Variants in BRCA2 observed in about 807,000 individuals in gnomAD.
The protein encoded by BRCA2 is BRCA2 DNA repair associated.
A neutral mutation model predicts 276.7 loss-of-function variants in BRCA2; 203 were observed. The ratio of observed to expected loss-of-function variants is 0.73; its 90% confidence interval spans 0.65 to 0.82. BRCA2 has a LOEUF of 0.82. Ranked by LOEUF, BRCA2 falls within the 40% of genes least tolerant of loss-of-function variation. The probability of loss-of-function intolerance (pLI) is 0.00; values close to 1 mark genes in which losing one functional copy is unlikely to be tolerated. For missense variants in BRCA2, 3,920 were observed against 3,915.0 expected, an observed-to-expected ratio of 1.00 and a Z score of -0.03; for synonymous variants, 1,289 against 1,338.4, an observed-to-expected ratio of 0.96 and a Z score of 0.81.
In BRCA2 at chr13:32,344,564, C is replaced by A. The variant is rs80358910; in HGVS notation, c.6848C>A (p.Pro2283His). Residue 2283 changes from proline to histidine, a missense_variant, in exon 12 of 27, where the codon CCC becomes CAC. Coordinates refer to ENST00000380152, the MANE Select transcript of BRCA2 (RefSeq NM_000059.4). ...ATGAAATATTTCTTTTTAGGAGAAC[C>A]CTCAATCAAAAGAAACTTATTAAAT... ...RGEPLILVGE[P>H]SIKRNLLNEF... 3.9e-6 allele frequency: 6 copies of A among 1,522,914 alleles called. No homozygotes were observed. In the Admixed American group the frequency reaches 1.0e-4, roughly 26 times the overall value. The allele number at this position is 1,522,914 out of a possible 1,614,324, so 94.3% of individuals were successfully genotyped here.
At chr13:32,387,751 A>T (rs777846942) in intron 24 of BRCA2, among the ~76,000 whole-genome samples, 5 of 152,136 alleles carry the variant, frequency 3.3e-5, no homozygotes, top group Non-Finnish European at 7.4e-5. Context: ...GAAAGTCTTG[A>T]AGTCTTTGAT....
In BRCA2 at chr13:32,400,266, T is replaced by C. The variant is rs1275072254; in HGVS notation, c.*1496T>C. The C allele has an allele frequency of 9.9e-5, 15 of 152,254 alleles. No individual in the cohort carries two copies. The highest frequency in any genetic ancestry group is 9.8e-4 in the Admixed American group (15 of 15,282). 9.4% of individuals were successfully genotyped at this position (152,254 alleles called of 1,614,324 possible). A position where few individuals can be genotyped will look rare whatever the true frequency, so the allele number is the denominator to read the frequency against. On this transcript the variant is annotated 3_prime_UTR_variant, in exon 27 of 27. Coordinates refer to ENST00000380152, the MANE Select transcript of BRCA2 (RefSeq NM_000059.4). ...GCCAAGAATAAATCTTTTAAAAAAT[T>C]GACTTGTTTCCTTCCATAACTCTGA...
chr13:32,339,388 A>C lies in BRCA2; in HGVS notation c.5033A>C (p.Lys1678Thr), dbSNP rs28897733. 1 of 1,595,664 alleles carries C rather than the reference A, an allele frequency of 6.3e-7. No homozygotes were observed. Among genetic ancestry groups the C allele is most frequent in the Non-Finnish European group, 8.5e-7 (1 of 1,172,268 alleles). ...ALAFYTSCSR[K>T]TSVSQTSLLE... ...GCTTTTTACACAAGTTGTAGTAGAAAAACTTCTGTGAGTCAGACTTCATTA... is the reference window on the plus strand; with the variant it reads ...GCTTTTTACACAAGTTGTAGTAGAACAACTTCTGTGAGTCAGACTTCATTA... The change falls in exon 11 of 27, where the codon AAA becomes ACA. Residue 1678 changes from lysine to threonine, a missense_variant. Lys to Thr is a moderately conservative substitution (Grantham distance 78, BLOSUM62 -1). This residue lies in a region of BRCA2 where 3,263 missense variants were observed against 3,156.9 expected (regional missense o/e 1.03). Transcript: ENST00000380152.
intron 13 of BRCA2, among the ~76,000 whole-genome samples, chr13:32,349,298 T>A (rs527388481): frequency 6.9e-6 from 1 of 145,642 alleles, no homozygotes; most frequent in African/African-American, 2.5e-5. Flanking sequence ...TACCAAAACA[T>A]CATTGAAGAA....
chr13:32,395,069 C>G (rs2073027019), intron 25 of BRCA2, 136 bp downstream of exon 25: 1 of 1,225,450 alleles, frequency 8.2e-7, no homozygotes, highest in Non-Finnish European at 1.1e-6. Context: ...ATATTAATTG[C>G]CCATGAACCT....
In BRCA2 at chr13:32,339,850, C is replaced by G. The variant is rs138489917; in HGVS notation, c.5495C>G (p.Ser1832Cys). ...AATGCAGCCATTAAATTGTCCATAT[C>G]TAATAGTAATAATTTTGAGGTAGGG... The part of the protein sequence containing the change: ...NKNAAIKLSI[S>C]NSNNFEVGPP... Residue 1832 changes from serine (S) to cysteine (C), a missense_variant, in exon 11 of 27, where the codon TCT becomes TGT. Coordinates refer to ENST00000380152, the MANE Select transcript of BRCA2 (RefSeq NM_000059.4). The G allele has an allele frequency of 4.3e-6, 7 of 1,613,412 alleles. No individual in the cohort carries two copies. The African/African-American group carries it at 5.3e-5, about 12-fold the overall frequency.
chr13:32,324,804 C>G (rs2072331510), intron 3 of BRCA2, among the ~76,000 whole-genome samples: 1 of 152,024 alleles, frequency 6.6e-6, no homozygotes, highest in African/African-American at 2.4e-5. Context: ...TTTGTAGAGG[C>G]AGAGTCTCAC....
At chr13:32,364,821 C>T (rs568378328) in intron 18 of BRCA2, among the ~76,000 whole-genome samples, 1 of 152,230 alleles carries the variant, frequency 6.6e-6, no homozygotes, top group East Asian at 1.9e-4. Context: ...CTGAAGTGCT[C>T]ATTTTCTATG....
intron 11 of BRCA2, among the ~76,000 whole-genome samples, chr13:32,341,605 A>G (rs376258348): frequency 1.3e-5 from 2 of 152,352 alleles, no homozygotes; most frequent in East Asian, 3.9e-4. Context: ...GACTTATATG[A>G]ACTTTAAAAG....
chr13:32,380,571 C>T (rs1010299101), intron 24 of BRCA2, among the ~76,000 whole-genome samples: 14 of 126,020 alleles, frequency 1.1e-4, no homozygotes, highest in Non-Finnish European at 2.1e-4. Flanking sequence ...GATGGAGTCT[C>T]ACTCTGTTGC....
chr13:32,339,348 G>A lies in BRCA2; in HGVS notation c.4993G>A (p.Glu1665Lys), dbSNP rs1485384156. The A allele has an allele frequency of 6.3e-7, 1 of 1,590,110 alleles. No individual in the cohort carries two copies. The highest frequency in any genetic ancestry group is 8.5e-7 in the Non-Finnish European group (1 of 1,169,940). ...YTNQSPYSVIENSALAFYTSC... is the reference protein window; with the variant it reads ...YTNQSPYSVIKNSALAFYTSC... ...AAATCAGTCCCCTTATTCAGTCATTGAAAATTCAGCCTTAGCTTTTTACAC... is the reference window on the plus strand; with the variant it reads ...AAATCAGTCCCCTTATTCAGTCATTAAAAATTCAGCCTTAGCTTTTTACAC... The change falls in exon 11 of 27, where the codon GAA becomes AAA. Residue 1665 changes from glutamate (E) to lysine (K), a missense_variant. Coordinates refer to ENST00000380152, the MANE Select transcript of BRCA2 (RefSeq NM_000059.4).
chr13:32,331,174 G>T, intron 9 of BRCA2, 144 bp downstream of exon 9: 1 of 657,216 alleles, frequency 1.5e-6, no homozygotes, highest in South Asian at 1.7e-5. Flanking sequence ...TCCTGCCTCA[G>T]CTTGCCAAGT....
Position 32,340,455 on chromosome 13 carries a change from C to A in BRCA2, c.6100C>A (p.Arg2034Ser), listed in dbSNP as rs1799954. The A allele has an allele frequency of 1.2e-6, 2 of 1,613,582 alleles. No homozygotes were observed. The highest frequency in any genetic ancestry group is 1.3e-5 in the African/African-American group (1 of 74,916). ...QLTREENTAI[R>S]TPEHLISQKG... ...CACAAGAGAAGAAAATACTGCTATACGTACTCCAGAACATTTAATATCCCA... is the reference window on the plus strand; with the variant it reads ...CACAAGAGAAGAAAATACTGCTATAAGTACTCCAGAACATTTAATATCCCA... The change falls in exon 11 of 27, where the codon CGT becomes AGT. Residue 2034 changes from arginine to serine, a missense_variant. Arg to Ser is a moderately radical substitution (Grantham distance 110). This residue lies in a region of BRCA2 where 3,263 missense variants were observed against 3,156.9 expected (regional missense o/e 1.03). Transcript: ENST00000380152.
intron 1 of BRCA2, 129 bp from the exon 2 acceptor site, chr13:32,316,293 T>G: frequency 1.4e-6 from 1 of 694,046 alleles, no homozygotes; most frequent in Non-Finnish European, 2.6e-6. Context: ...CACAGTAAGC[T>G]GTTACCGTTC....
At chr13:32,373,437 C>T (rs1440897085) in intron 20 of BRCA2, among the ~76,000 whole-genome samples, 1 of 151,786 alleles carries the variant, frequency 6.6e-6, no homozygotes, top group African/African-American at 2.4e-5. Flanking sequence ...ATCCAGGAGG[C>T]AGAGATTGCA....
intron 2 of BRCA2, among the ~76,000 whole-genome samples, chr13:32,316,998 G>A (rs1388941963): frequency 6.6e-6 from 1 of 152,172 alleles, no homozygotes; most frequent in South Asian, 2.1e-4. Flanking sequence ...AGAAGTTTGA[G>A]ACCAGCCTGG....
At chr13:32,327,465 A>G (rs955410042) in intron 7 of BRCA2, among the ~76,000 whole-genome samples, 3 of 151,142 alleles carry the variant, frequency 2.0e-5, no homozygotes, top group Non-Finnish European at 3.0e-5. Context: ...AGGTCAGGAG[A>G]TCGAGACCAT....
chr13:32,340,167 G>C lies in BRCA2; in HGVS notation c.5812G>C (p.Gly1938Arg), dbSNP rs764884869. The change falls in exon 11 of 27, where the codon GGA becomes CGA. Residue 1938 changes from glycine (G) to arginine (R), a missense_variant. By Grantham distance (125) the Gly-to-Arg change is moderately radical. This residue lies in a region of BRCA2 where 3,263 missense variants were observed against 3,156.9 expected (regional missense o/e 1.03). Coordinates refer to ENST00000380152, the MANE Select transcript of BRCA2 (RefSeq NM_000059.4). ...TTTACAACATAACCAAAATATGTCT[G>C]GATTGGAGAAAGTTTCTAAAATATC... ...EILQHNQNMS[G>R]LEKVSKISPC... 6.2e-7 allele frequency: 1 copy of C among 1,613,104 alleles called. No individual in the cohort carries two copies. The highest frequency in any genetic ancestry group is 8.5e-7 in the Non-Finnish European group (1 of 1,179,342).
chr13:32,370,703 G>T (rs2072825622), intron 19 of BRCA2, 146 bp downstream of exon 19: 5 of 999,052 alleles, frequency 5.0e-6, no homozygotes, highest in South Asian at 2.9e-5. Context: ...CACCTCCCGG[G>T]TTCAAGTGAT....
Sources: allele counts gnomAD v4.1 joint callset (sites outside exome capture counted in the v4.1 genomes callset), GRCh38; gene constraint gnomAD v4.1.1; regional missense constraint gnomAD v4.1.1; transcripts MANE v1.5; gene names NCBI Gene and HGNC (gene_info 2026-07-23, HGNC 2026-07-21).